SMO: variants seen among roughly 807,000 people sequenced by gnomAD.
SMO encodes the protein smoothened, frizzled class receptor.
In SMO, 40 loss-of-function variants were observed where a neutral mutation model predicts 81.6. The observed-to-expected ratio is 0.49, with a 90% CI of 0.38 to 0.64. SMO has a LOEUF of 0.64. Ranked by LOEUF, SMO falls within the 30% of genes least tolerant of loss-of-function variation. The pLI, the probability that SMO is intolerant of heterozygous loss-of-function variation, is 0.00. For missense variants in SMO, 916 were observed against 1,061.1 expected (o/e 0.86, Z 1.90); for synonymous variants, 434 against 432.1 (o/e 1.00, Z -0.05).
Position 129,211,336 on chromosome 7 carries a change from G to C in SMO, c.1801+223G>C. On this transcript the variant is annotated intron_variant, in intron 10 of 11. Coordinates refer to ENST00000249373, the MANE Select transcript of SMO (RefSeq NM_005631.5). The surrounding 1 kb of genome is among the most constrained non-coding windows in gnomAD (Gnocchi z 4.6). Reference sequence around the variant, plus strand: ...CCCTGGGTCTGCTTGCCGGTGCTTGGGTTCCAAGAAGACTCCCCTCCCTCT... The same window carrying C: ...CCCTGGGTCTGCTTGCCGGTGCTTGCGTTCCAAGAAGACTCCCCTCCCTCT... 1 of 717,346 alleles carries C rather than the reference G, an allele frequency of 1.4e-6. No individual in the cohort carries two copies. Among genetic ancestry groups the C allele is most frequent in the Non-Finnish European group, 2.5e-6 (1 of 399,764 alleles). 44.4% of individuals were successfully genotyped at this position (717,346 alleles called of 1,614,324 possible).
rs186706142 is a variant in SMO, at chr7:129,210,808, C to A, written c.1653-157C>A. Among the ~76,000 whole-genome samples the A allele has an allele frequency of 3.1e-4, 47 of 152,370 alleles. No homozygotes were observed. Among genetic ancestry groups the A allele is most frequent in the African/African-American group, 1.1e-3 (46 of 41,598 alleles). On this transcript the variant is annotated intron_variant, in intron 9 of 11. Transcript: ENST00000249373. The surrounding 1 kb of genome is among the most constrained non-coding windows in gnomAD (Gnocchi z 4.7). ...ACAGGAGCTCTGCATTCTGGCCCCA[C>A]TTCTTTGCAGAGAAGGCCTCTACTC...
chr7:129,203,918 G>A (rs1269221905), intron 2 of SMO, among the ~76,000 whole-genome samples: 2 of 152,004 alleles, frequency 1.3e-5, no homozygotes, highest in African/African-American at 4.8e-5. Flanking sequence ...GCGCGAGCGT[G>A]TGAAACAGCT....
chr7:129,191,889 G>A (rs1017571477), intron 1 of SMO, among the ~76,000 whole-genome samples: 2 of 152,112 alleles, frequency 1.3e-5, no homozygotes, highest in Non-Finnish European at 2.9e-5. Context: ...CACATGCTGC[G>A]CATGTAAGGA....
rs1247795693 is a variant in SMO at position 129,208,699 on chromosome 7, C to T, written c.1265-60C>T. 2 of 1,052,504 alleles carry T rather than the reference C, an allele frequency of 1.9e-6. No individual in the cohort carries two copies. Among genetic ancestry groups the T allele is most frequent in the South Asian group, 1.3e-5 (1 of 77,738 alleles). The allele number at this position is 1,052,504 out of a possible 1,614,324, so 65.2% of individuals were successfully genotyped here. A position where few individuals can be genotyped will look rare whatever the true frequency, so the allele number is the denominator to read the frequency against. On this transcript the variant is annotated intron_variant, in intron 6 of 11. Transcript: ENST00000249373. The surrounding 1 kb of genome is among the most constrained non-coding windows in gnomAD (Gnocchi z 5.2). ...CCTTAGGACCCTCCTCCCACTCACC[C>T]ATCCTTCCCAGCAGGGCAGCCTCAC...
At chr7:129,203,024 A>G (rs1407006955) in intron 1 of SMO, among the ~76,000 whole-genome samples, 12 of 152,228 alleles carry the variant, frequency 7.9e-5, no homozygotes. Context: ...TATTCCCAAC[A>G]TCCCATGTAA....
intron 2 of SMO, 72 bp from the exon 3 acceptor site, chr7:129,205,131 G>A: frequency 7.3e-7 from 1 of 1,361,976 alleles, no homozygotes; most frequent in African/African-American, 1.4e-5. Context: ...ATGCTACCTA[G>A]ATACCTTTCC....
chr7:129,212,425 C>T lies in SMO; in HGVS notation c.2338C>T (p.Leu780Phe), dbSNP rs1183728706. 2 of 1,612,296 alleles carry T rather than the reference C, an allele frequency of 1.2e-6. No individual in the cohort carries two copies. Among genetic ancestry groups the T allele is most frequent in the East Asian group, 2.2e-5 (1 of 44,818 alleles). The change falls in exon 12 of 12, where the codon CTC (leucine) becomes TTC (phenylalanine). Residue 780 changes from leucine (L) to phenylalanine (F), a missense_variant. Physicochemically the swap from Leu to Phe is conservative, Grantham distance 22. Coordinates refer to ENST00000249373, the MANE Select transcript of SMO (RefSeq NM_005631.5). This position sits in a 1 kb window ranked among gnomAD's most constrained non-coding sequence, Gnocchi z 5.0. ...HSRTNLMDTE[L>F]MDADSDF ...CCGCACCAACCTGATGGACACAGAA[C>T]TCATGGATGCAGACTCGGACTTCTG...
At chr7:129,193,316 G>A (rs1157347188) in intron 1 of SMO, among the ~76,000 whole-genome samples, 15 of 152,142 alleles carry the variant, frequency 9.9e-5, no homozygotes, top group Non-Finnish European at 4.4e-5. Flanking sequence ...GACAAAGGCT[G>A]GGAGGAATTT....
rs1461447618 is a variant in SMO, at chr7:129,212,428, A to G, written c.2341A>G (p.Met781Val). 3 of 1,611,080 alleles carry G rather than the reference A, an allele frequency of 1.9e-6. No individual in the cohort carries two copies. The highest frequency in any genetic ancestry group is 1.7e-5 in the Admixed American group (1 of 59,990). The change falls in exon 12 of 12, where the codon ATG (methionine) becomes GTG (valine). Residue 781 changes from methionine (M) to valine (V), a missense_variant. Physicochemically the swap from Met to Val is conservative, Grantham distance 21. Coordinates refer to ENST00000249373, the MANE Select transcript of SMO (RefSeq NM_005631.5). The surrounding 1 kb of genome is among the most constrained non-coding windows in gnomAD (Gnocchi z 5.0). ...SRTNLMDTEL[M>V]DADSDF ...CACCAACCTGATGGACACAGAACTC[A>G]TGGATGCAGACTCGGACTTCTGAGC...
chr7:129,190,174 T>A (rs1241502136), intron 1 of SMO, among the ~76,000 whole-genome samples: 2 of 152,156 alleles, frequency 1.3e-5, no homozygotes, highest in Non-Finnish European at 2.9e-5. Context: ...GTTATTTGTG[T>A]TTTCTTTGGA....
intron 3 of SMO, 87 bp downstream of exon 3, chr7:129,205,499 TG>T: frequency 1.3e-6 from 2 of 1,534,152 alleles, no homozygotes; most frequent in East Asian, 2.3e-5. Flanking sequence ...GAGGTCTTGG[TG>T]GGGGTCCCCA....
At chr7:129,209,646 G>C (rs978258699) in intron 8 of SMO, 4 of 477,082 alleles carry the variant, frequency 8.4e-6, no homozygotes, top group Non-Finnish European at 1.5e-5. Flanking sequence ...GTGCATGTGT[G>C]ACTGTTAAGC....
Position 129,189,505 on chromosome 7 carries a change from TG to T in SMO, c.331+29del, listed in dbSNP as rs1049977192. The T allele has an allele frequency of 1.1e-5, 17 of 1,533,364 alleles. No individual in the cohort carries two copies. The highest frequency in any genetic ancestry group is 6.9e-5 in the African/African-American group (5 of 72,710). The allele number at this position is 1,533,364 out of a possible 1,614,324, so 95.0% of individuals were successfully genotyped here. A position where few individuals can be genotyped will look rare whatever the true frequency, so the allele number is the denominator to read the frequency against. ...CGGGTAAGTGCGGCGGAGCCGGGTC[TG>T]GGGGGCGGGAGGTGCCGCGGTAAGA... is the stretch of plus-strand genomic sequence containing the variant. On this transcript the variant is annotated intron_variant, in intron 1 of 11. Coordinates refer to ENST00000249373, the MANE Select transcript of SMO (RefSeq NM_005631.5). The surrounding 1 kb of genome is among the most constrained non-coding windows in gnomAD (Gnocchi z 4.7).
rs2150656236 is a variant in SMO, at chr7:129,212,017, C to T, written c.1937-7C>T. ...CCCCAGGCTCGTGTTGTCTCTCCTC[C>T]TGTCAGTGCCCCCAGAGGAACAAGC... On this transcript the variant is annotated splice_polypyrimidine_tract_variant and splice_region_variant and intron_variant, in intron 11 of 11. Coordinates refer to ENST00000249373, the MANE Select transcript of SMO (RefSeq NM_005631.5). The surrounding 1 kb of genome is among the most constrained non-coding windows in gnomAD (Gnocchi z 5.0). The T allele has an allele frequency of 6.3e-7, 1 of 1,577,536 alleles. No individual in the cohort carries two copies. Among genetic ancestry groups the T allele is most frequent in the Non-Finnish European group, 8.6e-7 (1 of 1,168,598 alleles).
chr7:129,213,396 G>A lies in SMO; in HGVS notation c.*945G>A, dbSNP rs1793912519. 1 of 232,976 alleles carries A rather than the reference G, an allele frequency of 4.3e-6. No homozygotes were observed. The highest frequency in any genetic ancestry group is 2.2e-5 in the African/African-American group (1 of 45,284). 14.4% of individuals were successfully genotyped at this position (232,976 alleles called of 1,614,324 possible). On this transcript the variant is annotated 3_prime_UTR_variant, in exon 12 of 12. Transcript: ENST00000249373. ...AAAGCTTCCTTCAACCTGCATAGCC[G>A]GTGGGTGAGGAGATTCCCACCTTCC...
chr7:129,199,476 T>C lies in SMO; in HGVS notation c.332-3908T>C, dbSNP rs561742284. ...GGATTACAGGCGTGAGCCACCACCA[T>C]GCTCAGCCTTCTTTATGTTTTTAAA... On this transcript the variant is annotated intron_variant, in intron 1 of 11. Coordinates refer to ENST00000249373, the MANE Select transcript of SMO (RefSeq NM_005631.5). Among the ~76,000 whole-genome samples the C allele has an allele frequency of 8.5e-5, 13 of 152,278 alleles. No homozygotes were observed. The South Asian group carries it at 2.7e-3, about 32-fold the overall frequency.
rs766764349 is a variant in SMO, at chr7:129,211,426, A to C, written c.1802-210A>C. The stretch of plus-strand genomic sequence containing the variant: ...AGTAAGTCAGGGTTCCAAGAACTGG[A>C]TTTCTGGCCTCCAGTTAGGCCCTTT... On this transcript the variant is annotated intron_variant, in intron 10 of 11. Transcript: ENST00000249373. The surrounding 1 kb of genome is among the most constrained non-coding windows in gnomAD (Gnocchi z 4.6). 8.3e-6 allele frequency: 6 copies of C among 719,560 alleles called. No individual in the cohort carries two copies. Among genetic ancestry groups the C allele is most frequent in the Non-Finnish European group, 1.5e-5 (6 of 401,536 alleles). 44.6% of individuals were successfully genotyped at this position (719,560 alleles called of 1,614,324 possible).
At position 129,211,442 on chromosome 7, in the gene SMO, TAGGCCCTTTGGGGACGTG is replaced by T. The variant is rs527745376; in HGVS notation, c.1802-185_1802-168del. On this transcript the variant is annotated intron_variant, in intron 10 of 11. Coordinates refer to ENST00000249373, the MANE Select transcript of SMO (RefSeq NM_005631.5). The surrounding 1 kb of genome is among the most constrained non-coding windows in gnomAD (Gnocchi z 4.6). ...AAGAACTGGATTTCTGGCCTCCAGT[TAGGCCCTTTGGGGACGTG>T]AGGCCCTTCTCTTCAGATTCTGAAG... The T allele has an allele frequency of 8.6e-5, 63 of 735,998 alleles. No homozygotes were observed. Among genetic ancestry groups the T allele is most frequent in the East Asian group, 8.5e-4 (32 of 37,450 alleles). 45.6% of individuals were successfully genotyped at this position (735,998 alleles called of 1,614,324 possible). A position where few individuals can be genotyped will look rare whatever the true frequency, so the allele number is the denominator to read the frequency against.
chr7:129,209,262 G>A (rs199649902), intron 7 of SMO, 27 bp from the exon 8 acceptor site: 20 of 1,400,538 alleles, frequency 1.4e-5, no homozygotes, highest in Middle Eastern at 3.5e-4. Flanking sequence ...GCTTGGTAAC[G>A]TCCTGTCCTG....
Sources: gnomAD v4.1 joint callset for allele counts (sites outside exome capture counted in the v4.1 genomes callset) on GRCh38, gnomAD v4.1.1 for gene constraint, Gnocchi (gnomAD v3.1) non-coding constraint, MANE v1.5 for transcripts, NCBI Gene and HGNC (gene_info 2026-07-23, HGNC 2026-07-21) for gene names.